TC2N: variants seen among roughly 807,000 people sequenced by gnomAD.
TC2N encodes the protein tandem C2 domains nuclear protein.
Under a neutral mutation model 61.9 loss-of-function variants are expected in TC2N, and 51 were observed. The observed-to-expected ratio is 0.82, with a 90% CI of 0.66 to 1.04. TC2N has a LOEUF of 1.04. Among genes scored for constraint, TC2N ranks in the 50% least tolerant of loss-of-function variants. The pLI is 0.00. For missense variants in TC2N, 556 were observed against 566.7 expected (o/e 0.98, Z 0.19); for synonymous variants, 204 against 192.6 (o/e 1.06, Z -0.49).
At chr14:91,854,988 A>G (rs1019148753) in intron 1 of TC2N, among the ~76,000 whole-genome samples, 20 of 152,270 alleles carry the variant, frequency 1.3e-4, no homozygotes, top group African/African-American at 3.6e-4. Context: ...AGGGGTTCTG[A>G]CCTGAACAAT....
intron 3 of TC2N, among the ~76,000 whole-genome samples, chr14:91,807,430 G>C (rs1385917928): frequency 6.6e-6 from 1 of 152,210 alleles, no homozygotes; most frequent in African/African-American, 2.4e-5. Flanking sequence ...AGCCACAGGG[G>C]TGGAGCTGCC....
At chr14:91,824,230 G>A (rs955428054) in intron 1 of TC2N, among the ~76,000 whole-genome samples, 4 of 152,158 alleles carry the variant, frequency 2.6e-5, no homozygotes, top group African/African-American at 9.7e-5. Flanking sequence ...CACCCCTGAG[G>A]TAAATGTCTG....
rs1389821054 is a variant in TC2N, at chr14:91,830,524, T to C, written c.-56-16699A>G. 6.6e-5 allele frequency among the ~76,000 whole-genome samples: 10 copies of C among 152,254 alleles called. No individual in the cohort carries two copies. In the South Asian group the frequency reaches 2.1e-3, roughly 32 times the overall value. On this transcript the variant is annotated intron_variant, in intron 1 of 11. Transcript: ENST00000435962. ...AAATCCACAGAAATGGAAAACAGAT[T>C]AGTGGTTGCCAGTGACTGAGAAGGA...
intron 1 of TC2N, among the ~76,000 whole-genome samples, chr14:91,825,394 T>C (rs952524337): frequency 1.3e-5 from 2 of 152,318 alleles, no homozygotes; most frequent in Middle Eastern, 6.8e-3. Context: ...TCAGATGTTA[T>C]GATACCCCAA....
chr14:91,791,498 A>G (rs1885654446), intron 9 of TC2N, among the ~76,000 whole-genome samples: 1 of 152,046 alleles, frequency 6.6e-6, no homozygotes, highest in East Asian at 1.9e-4. Context: ...ATTTAATTAG[A>G]AATTCCTAAA....
chr14:91,866,363 G>A (rs1566793601), intron 1 of TC2N: 1 of 152,182 alleles, frequency 6.6e-6, no homozygotes, highest in Non-Finnish European at 1.5e-5. Flanking sequence ...ACAGGTAGGT[G>A]GATTTTGTGC....
rs150442853 is a variant in TC2N, at chr14:91,849,421, G to A, written c.-57+17841C>T. ...TAATAAAAGACAGTGAAGTTGATGT[G>A]CTGAGAGAAGTAAAGATAAGAGATG... On this transcript the variant is annotated intron_variant, in intron 1 of 11. Coordinates refer to ENST00000435962, the MANE Select transcript of TC2N (RefSeq NM_001128596.3). Among the ~76,000 whole-genome samples, 995 of 152,338 alleles carry A rather than the reference G, an allele frequency of 6.5e-3. 6 individuals are homozygous for A. The highest frequency in any genetic ancestry group is 0.012 in the Non-Finnish European group (791 of 68,038).
chr14:91,843,277 C>T (rs997136622), intron 1 of TC2N, among the ~76,000 whole-genome samples: 2 of 151,920 alleles, frequency 1.3e-5, no homozygotes, highest in African/African-American at 4.8e-5. Flanking sequence ...GAAATAGTTA[C>T]CTGACATGTC....
chr14:91,862,976 C>G (rs1033847679), intron 1 of TC2N, among the ~76,000 whole-genome samples: 1 of 152,188 alleles, frequency 6.6e-6, no homozygotes, highest in African/African-American at 2.4e-5. Flanking sequence ...TATGGTTTTA[C>G]TGAAAGATGT....
At chr14:91,848,093 G>A (rs1888303620) in intron 1 of TC2N, among the ~76,000 whole-genome samples, 1 of 152,190 alleles carries the variant, frequency 6.6e-6, no homozygotes. Flanking sequence ...CCTTTGGCCA[G>A]AATTAGGTCA....
At chr14:91,794,472 A>G (rs1406491830) in intron 8 of TC2N, among the ~76,000 whole-genome samples, 6 of 152,148 alleles carry the variant, frequency 3.9e-5, no homozygotes. Flanking sequence ...GGCTAATGCA[A>G]TCAGTCACTC....
Position 91,800,069 on chromosome 14 carries a change from T to C in TC2N, c.561+212A>G, listed in dbSNP as rs527677150. ...CATACCAACTGAGATATAAAATTTA[T>C]TGAAAAAAGAAAAACTACTGCCTTT... On this transcript the variant is annotated intron_variant, in intron 5 of 11. Coordinates refer to ENST00000435962, the MANE Select transcript of TC2N (RefSeq NM_001128596.3). Among the ~76,000 whole-genome samples the C allele has an allele frequency of 3.9e-5, 6 of 152,186 alleles. No homozygotes were observed. In the South Asian group the frequency reaches 6.2e-4, roughly 16 times the overall value.
chr14:91,850,670 C>T (rs527321951), intron 1 of TC2N, among the ~76,000 whole-genome samples: 10 of 152,244 alleles, frequency 6.6e-5, no homozygotes, highest in East Asian at 1.9e-4. Flanking sequence ...CAGTGGCTTA[C>T]GCCTGTAATC....
At chr14:91,847,799 A>G (rs1309887865) in intron 1 of TC2N, among the ~76,000 whole-genome samples, 3 of 152,270 alleles carry the variant, frequency 2.0e-5, no homozygotes, top group African/African-American at 7.2e-5. Flanking sequence ...TTGTTGCACA[A>G]CAATAGATAA....
Position 91,812,282 on chromosome 14 carries a change from AT to A in TC2N, c.301+29del, listed in dbSNP as rs987432072. On this transcript the variant is annotated intron_variant, in intron 3 of 11. Coordinates refer to ENST00000435962, the MANE Select transcript of TC2N (RefSeq NM_001128596.3). ...AATAGCACTTAAATGCTACATATCG[AT>A]TTTTAAATACTGCTATTTTATTGTT... is the stretch of plus-strand genomic sequence containing the variant. 3.1e-6 allele frequency: 4 copies of A among 1,302,796 alleles called. No homozygotes were observed. In the African/African-American group the frequency reaches 5.8e-5, roughly 19 times the overall value. The allele number at this position is 1,302,796 out of a possible 1,614,324, so 80.7% of individuals were successfully genotyped here.
chr14:91,838,398 A>T (rs1888105521), intron 1 of TC2N, among the ~76,000 whole-genome samples: 1 of 152,158 alleles, frequency 6.6e-6, no homozygotes, highest in East Asian at 1.9e-4. Context: ...CTCATGCCTC[A>T]GCCTCCCAAA....
intron 1 of TC2N, among the ~76,000 whole-genome samples, chr14:91,861,797 A>G (rs1888593458): frequency 1.3e-5 from 2 of 152,256 alleles, no homozygotes; most frequent in South Asian, 2.1e-4. Context: ...AATCCCAGCT[A>G]CTTGGGAAGC....
intron 6 of TC2N, 87 bp from the exon 7 acceptor site, chr14:91,798,486 A>T (rs552668364): frequency 1.1e-4 from 80 of 728,610 alleles, no homozygotes; most frequent in Non-Finnish European, 1.7e-4. Flanking sequence ...TTTTAAGAGC[A>T]CAATTTTAAA....
At chr14:91,813,195 C>T (rs982752860) in intron 2 of TC2N, among the ~76,000 whole-genome samples, 8 of 151,746 alleles carry the variant, frequency 5.3e-5, no homozygotes, top group African/African-American at 1.7e-4. Flanking sequence ...AGAAAAAGAA[C>T]TCTCCAGGGG....
Sources: gnomAD v4.1 joint callset for allele counts (sites outside exome capture counted in the v4.1 genomes callset) on GRCh38, gnomAD v4.1.1 for gene constraint, MANE v1.5 for transcripts, NCBI Gene and HGNC (gene_info 2026-07-23, HGNC 2026-07-21) for gene names.